Variants in CDH13 observed in about 807,000 individuals in gnomAD.
The protein encoded by CDH13 is cadherin-13.
In CDH13, 24 loss-of-function variants were observed where a neutral mutation model predicts 63.8. That is an observed-to-expected ratio of 0.38 (90% CI 0.27 to 0.53). CDH13 has a LOEUF of 0.53. Ranked by LOEUF, CDH13 falls within the 20% of genes least tolerant of loss-of-function variation. CDH13 has a pLI of 0.85. For synonymous variants in CDH13, 503 were observed against 355.3 expected, an observed-to-expected ratio of 1.42 and a Z score of -4.67; for missense variants, 1,049 against 903.1, an observed-to-expected ratio of 1.16 and a Z score of -2.07.
Position 83,486,466 on chromosome 16 carries a change from T to G in CDH13, c.782-11T>G. 6.2e-7 allele frequency: 1 copy of G among 1,609,046 alleles called. No homozygotes were observed. Among genetic ancestry groups the G allele is most frequent in the South Asian group, 1.1e-5 (1 of 90,638 alleles). ...ATAACCATTCCGTGCCTTTCTGTCTTGCCCCGGTAGGCACCACAGTGATGC... is the reference window on the plus strand; with the variant it reads ...ATAACCATTCCGTGCCTTTCTGTCTGGCCCCGGTAGGCACCACAGTGATGC... On this transcript the variant is annotated splice_polypyrimidine_tract_variant and intron_variant, in intron 6 of 13. Transcript: ENST00000567109.
At chr16:83,096,346 GC>G (rs2034191059) in intron 3 of CDH13, among the ~76,000 whole-genome samples, 2 of 152,170 alleles carry the variant, frequency 1.3e-5, no homozygotes, top group South Asian at 4.1e-4. Flanking sequence ...CAGAGAGAAG[GC>G]TCAGTCAAGG....
At chr16:83,669,952 G>A (rs1914357047) in intron 8 of CDH13, among the ~76,000 whole-genome samples, 1 of 152,176 alleles carries the variant, frequency 6.6e-6, no homozygotes, top group Non-Finnish European at 1.5e-5. Context: ...AAAGGAATGT[G>A]CTAATGAAAG....
At chr16:83,755,474 T>C (rs1913431275) in intron 11 of CDH13, among the ~76,000 whole-genome samples, 1 of 152,006 alleles carries the variant, frequency 6.6e-6, no homozygotes, top group Non-Finnish European at 1.5e-5. Flanking sequence ...ACAAGCTGGA[T>C]AAATTTGAAG....
rs8053232 is a variant in CDH13, at chr16:82,633,736, T to A, written c.45+6599T>A. Among the ~76,000 whole-genome samples the A allele has an allele frequency of 7.4e-3, 1,124 of 152,298 alleles. 9 individuals are homozygous for A. The highest frequency in any genetic ancestry group is 0.01 in the Non-Finnish European group (699 of 68,018). On this transcript the variant is annotated intron_variant, in intron 1 of 13. Coordinates refer to ENST00000567109, the MANE Select transcript of CDH13 (RefSeq NM_001257.5). ...TAGCACCGTCCTGGAGCTTGTGTGA[T>A]GTTTTTATATCTGTTTTAACAGTTA...
intron 6 of CDH13, among the ~76,000 whole-genome samples, chr16:83,434,958 AGGGGTTTTATTT>A (rs2072247973): frequency 1.4e-4 from 20 of 143,898 alleles, no homozygotes; most frequent in African/African-American, 2.5e-4. Context: ...TATAAAACAT[AGGGGTTTTATTT>A]ATATAAATAA....
chr16:82,780,051 C>A (rs777150604), intron 1 of CDH13, among the ~76,000 whole-genome samples: 3 of 152,060 alleles, frequency 2.0e-5, no homozygotes, highest in East Asian at 3.9e-4. Flanking sequence ...CAGGTGATTT[C>A]GCCAAACAAA....
chr16:82,930,942 G>A (rs937701485), intron 2 of CDH13, among the ~76,000 whole-genome samples: 2 of 152,190 alleles, frequency 1.3e-5, no homozygotes, highest in African/African-American at 4.8e-5. Flanking sequence ...TGTTCGACTT[G>A]TGGCTTTGTC....
chr16:83,500,046 G>C (rs974327758), intron 7 of CDH13, among the ~76,000 whole-genome samples: 2 of 151,552 alleles, frequency 1.3e-5, no homozygotes, highest in Admixed American at 6.6e-5. Flanking sequence ...CAGGCGATCC[G>C]CCCACCTCGG....
At chr16:82,788,542 C>A (rs1234518929) in intron 1 of CDH13, among the ~76,000 whole-genome samples, 3 of 152,222 alleles carry the variant, frequency 2.0e-5, no homozygotes, top group Admixed American at 6.5e-5. Flanking sequence ...TGAATTAGTT[C>A]TTTGTGTTAT....
chr16:83,584,322 G>A (rs757381887), intron 7 of CDH13, among the ~76,000 whole-genome samples: 3 of 152,152 alleles, frequency 2.0e-5, no homozygotes, highest in Non-Finnish European at 4.4e-5. Context: ...GAGCAAGACT[G>A]CATCTCAAAA....
intron 6 of CDH13, among the ~76,000 whole-genome samples, chr16:83,422,649 G>C (rs559731578): frequency 6.6e-6 from 1 of 152,174 alleles, no homozygotes; most frequent in Admixed American, 6.5e-5. Flanking sequence ...TTGTGACACT[G>C]CTGCTAAAGT....
At chr16:83,144,163 C>G (rs944437451) in intron 4 of CDH13, among the ~76,000 whole-genome samples, 5 of 152,148 alleles carry the variant, frequency 3.3e-5, no homozygotes, top group South Asian at 2.1e-4. Context: ...TTCTTTCTCT[C>G]CCTACCTGGA....
chr16:83,688,723 C>T (rs1019353179), intron 10 of CDH13, among the ~76,000 whole-genome samples: 13 of 152,036 alleles, frequency 8.6e-5, no homozygotes, highest in Non-Finnish European at 1.8e-4. Flanking sequence ...TTAATTAAAG[C>T]GGTGTTGTTC....
intron 1 of CDH13, among the ~76,000 whole-genome samples, chr16:82,661,188 C>G (rs912156675): frequency 2.0e-5 from 3 of 152,152 alleles, no homozygotes; most frequent in East Asian, 1.9e-4. Flanking sequence ...TTACGCTGAC[C>G]TAGTGAGGTT....
intron 5 of CDH13, among the ~76,000 whole-genome samples, chr16:83,330,701 C>G (rs1255471830): frequency 6.6e-6 from 1 of 152,182 alleles, no homozygotes; most frequent in East Asian, 1.9e-4. Context: ...CCACCTTCCT[C>G]AGATTGCACT....
chr16:83,307,251 G>C (rs2089902310), intron 5 of CDH13, among the ~76,000 whole-genome samples: 1 of 152,140 alleles, frequency 6.6e-6, no homozygotes, highest in Non-Finnish European at 1.5e-5. Context: ...GATAATTCTA[G>C]TTCCCTGGAA....
chr16:83,375,270 A>C (rs2091439653), intron 6 of CDH13, among the ~76,000 whole-genome samples: 1 of 152,228 alleles, frequency 6.6e-6, no homozygotes, highest in African/African-American at 2.4e-5. Flanking sequence ...ATTAAGGAAC[A>C]AATTGATTTT....
At chr16:82,957,825 T>C (rs1186002376) in intron 2 of CDH13, among the ~76,000 whole-genome samples, 1 of 152,260 alleles carries the variant, frequency 6.6e-6, no homozygotes, top group African/African-American at 2.4e-5. Flanking sequence ...AGTATAACTA[T>C]AATGAATATC....
At chr16:83,366,140 A>T (rs2091253379) in intron 6 of CDH13, among the ~76,000 whole-genome samples, 1 of 152,214 alleles carries the variant, frequency 6.6e-6, no homozygotes, top group Non-Finnish European at 1.5e-5. Flanking sequence ...TTTCACAACA[A>T]AATAACAGGG....
Sources: gnomAD v4.1 joint callset for allele counts (sites outside exome capture counted in the v4.1 genomes callset) on GRCh38, gnomAD v4.1.1 for gene constraint, MANE v1.5 for transcripts, NCBI Gene and HGNC (gene_info 2026-07-23, HGNC 2026-07-21) for gene names.